The following CPNE8 variants were observed in gnomAD, a reference collection of about 807,000 sequenced individuals.
CPNE8 encodes the protein copine-8.
In CPNE8, 45 loss-of-function variants were observed where a neutral mutation model predicts 81.5. That is an observed-to-expected ratio of 0.55 (90% confidence interval 0.44 to 0.71). The LOEUF (loss-of-function observed/expected upper bound fraction) is 0.71, where lower values mean the gene tolerates loss of function less well. Ranked by LOEUF, CPNE8 falls within the 30% of genes least tolerant of loss-of-function variation. The probability of loss-of-function intolerance (pLI) is 0.00; values close to 1 mark genes in which losing one functional copy is unlikely to be tolerated. For missense variants in CPNE8, 594 were observed against 672.1 expected (o/e 0.88, Z 1.28); for synonymous variants, 252 against 226.3 (o/e 1.11, Z -1.02).
chr12:38,767,577 A>C, intron 8 of CPNE8, 58 bp downstream of exon 8: 1 of 1,017,406 alleles, frequency 9.8e-7, no homozygotes, highest in Non-Finnish European at 1.4e-6. Context: ...GAGAAAAATA[A>C]TTATAATTCA....
intron 19 of CPNE8, among the ~76,000 whole-genome samples, chr12:38,670,034 C>T (rs1939137517): frequency 6.6e-6 from 1 of 152,140 alleles, no homozygotes; most frequent in African/African-American, 2.4e-5. Flanking sequence ...AAGTCCCTCC[C>T]AGGTTTGAAA....
At chr12:38,709,613 C>A (rs1940198671) in intron 13 of CPNE8, among the ~76,000 whole-genome samples, 1 of 152,122 alleles carries the variant, frequency 6.6e-6, no homozygotes, top group Admixed American at 6.6e-5. Flanking sequence ...AAGTAGATGA[C>A]TCATTATTAT....
intron 10 of CPNE8, among the ~76,000 whole-genome samples, chr12:38,750,855 T>C (rs1941341139): frequency 6.6e-6 from 1 of 152,072 alleles, no homozygotes; most frequent in Non-Finnish European, 1.5e-5. Context: ...TTTTGAAATG[T>C]GAGGATATGA....
intron 1 of CPNE8, among the ~76,000 whole-genome samples, chr12:38,898,806 G>A (rs1453205781): frequency 2.0e-5 from 3 of 152,192 alleles, no homozygotes; most frequent in Non-Finnish European, 2.9e-5. Context: ...AAAAGGGTCA[G>A]ACACTCTCTC....
At chr12:38,841,107 G>A (rs751131170) in intron 4 of CPNE8, among the ~76,000 whole-genome samples, 16 of 152,008 alleles carry the variant, frequency 1.1e-4, no homozygotes, top group Non-Finnish European at 1.9e-4. Flanking sequence ...CTAGGCAGAG[G>A]GTCCATTCAC....
At chr12:38,787,663 G>C (rs1942226827) in intron 6 of CPNE8, among the ~76,000 whole-genome samples, 1 of 151,494 alleles carries the variant, frequency 6.6e-6, no homozygotes, top group Non-Finnish European at 1.5e-5. Flanking sequence ...AACAAAGTTA[G>C]GTTTTTGAAA....
At chr12:38,660,549 G>C (rs1938928874) in intron 19 of CPNE8, among the ~76,000 whole-genome samples, 1 of 152,076 alleles carries the variant, frequency 6.6e-6, no homozygotes. Context: ...CAGGACATAG[G>C]CATAGAATAA....
intron 14 of CPNE8, among the ~76,000 whole-genome samples, chr12:38,700,996 T>G (rs1048444165): frequency 3.9e-5 from 6 of 152,212 alleles, no homozygotes; most frequent in Admixed American, 1.3e-4. Flanking sequence ...ATGTCTTTAT[T>G]AGCAGCATGA....
At chr12:38,819,058 A>C (rs1189370013) in intron 6 of CPNE8, among the ~76,000 whole-genome samples, 1 of 152,126 alleles carries the variant, frequency 6.6e-6, no homozygotes, top group African/African-American at 2.4e-5. Flanking sequence ...GATACATTTC[A>C]AAAAATTTTT....
intron 6 of CPNE8, among the ~76,000 whole-genome samples, chr12:38,793,329 TACACACACAC>T (rs55794135): frequency 2.7e-5 from 4 of 148,960 alleles, no homozygotes; most frequent in Non-Finnish European, 4.5e-5. Flanking sequence ...TTCTAAAAAT[TACACACACAC>T]ACACACACAC....
chr12:38,799,742 G>T (rs1461810311), intron 6 of CPNE8, among the ~76,000 whole-genome samples: 13 of 147,472 alleles, frequency 8.8e-5, no homozygotes, highest in Admixed American at 6.8e-5. Flanking sequence ...TCCATCTGAG[G>T]TACCGGGTTC....
At chr12:38,657,593 C>A (rs923131739) in intron 19 of CPNE8, among the ~76,000 whole-genome samples, 2 of 152,086 alleles carry the variant, frequency 1.3e-5, no homozygotes, top group Non-Finnish European at 2.9e-5. Flanking sequence ...CCCTGACCCC[C>A]GTATAGCGTA....
intron 19 of CPNE8, among the ~76,000 whole-genome samples, chr12:38,660,750 A>C (rs919951860): frequency 5.3e-5 from 8 of 152,212 alleles, no homozygotes; most frequent in Admixed American, 5.2e-4. Flanking sequence ...TCTACAAAGC[A>C]CTTAAACAAA....
chr12:38,821,720 T>C (rs993537385), intron 6 of CPNE8, among the ~76,000 whole-genome samples: 1 of 152,246 alleles, frequency 6.6e-6, no homozygotes, highest in Non-Finnish European at 1.5e-5. Flanking sequence ...TTGTCACTAC[T>C]GGAATATCTG....
At chr12:38,730,972 G>A (rs1456701406) in intron 10 of CPNE8, among the ~76,000 whole-genome samples, 1 of 151,734 alleles carries the variant, frequency 6.6e-6, no homozygotes, top group Admixed American at 6.6e-5. Context: ...GGTGAGGAGG[G>A]GTAAGGATTG....
At chr12:38,770,396 A>G (rs528475326) in intron 7 of CPNE8, among the ~76,000 whole-genome samples, 1 of 152,180 alleles carries the variant, frequency 6.6e-6, no homozygotes, top group Admixed American at 6.5e-5. Context: ...TGCTGCCACC[A>G]CCTCAGTCCA....
At chr12:38,902,365 AAAGAAAG>A (rs1944490653) in intron 1 of CPNE8, among the ~76,000 whole-genome samples, 1 of 85,856 alleles carries the variant, frequency 1.2e-5, no homozygotes, top group African/African-American at 6.5e-5. Flanking sequence ...AGAAAGAAAG[AAAGAAAG>A]AAAGAAAGAA....
At chr12:38,774,117 T>G (rs1941868446) in intron 7 of CPNE8, among the ~76,000 whole-genome samples, 1 of 152,052 alleles carries the variant, frequency 6.6e-6, no homozygotes, top group African/African-American at 2.4e-5. Flanking sequence ...GGTAAAAGAA[T>G]TTTCCCGGCT....
intron 6 of CPNE8, among the ~76,000 whole-genome samples, chr12:38,828,006 G>A (rs1943227482): frequency 1.3e-5 from 2 of 151,962 alleles, no homozygotes; most frequent in Admixed American, 6.6e-5. Context: ...AATAAGAAGT[G>A]TACCCATTCA....
Sources: allele counts gnomAD v4.1 joint callset (sites outside exome capture counted in the v4.1 genomes callset), GRCh38; gene constraint gnomAD v4.1.1; transcripts MANE v1.5; gene names NCBI Gene and HGNC (gene_info 2026-07-23, HGNC 2026-07-21).